Variants in SH3KBP1 observed in about 807,000 individuals in gnomAD.
SH3KBP1 encodes the protein SH3 domain containing kinase binding protein 1.
A neutral mutation model predicts 50.1 loss-of-function variants in SH3KBP1; 8 were observed. That is an observed-to-expected ratio of 0.16 (90% CI 0.09 to 0.29). The LOEUF (loss-of-function observed/expected upper bound fraction) is 0.29. SH3KBP1 is among the 10% of genes least tolerant of loss of function. SH3KBP1 has a pLI of 1.00. For missense variants in SH3KBP1, 377 were observed against 535.2 expected, an observed-to-expected ratio of 0.70 and a Z score of 2.92; for synonymous variants, 227 against 218.6, an observed-to-expected ratio of 1.04 and a Z score of -0.34.
At chrX:19,627,540 G>C (rs1238009856) in intron 8 of SH3KBP1, among the ~76,000 whole-genome samples, 1 of 112,730 alleles carries the variant, frequency 8.9e-6, no homozygotes, top group Non-Finnish European at 1.9e-5. Context: ...GAGTGGAAAT[G>C]TTCCTAAATT....
chrX:19,565,351 C>T (rs1194504432), intron 13 of SH3KBP1, among the ~76,000 whole-genome samples: 1 of 110,851 alleles, frequency 9.0e-6, no homozygotes, highest in Admixed American at 9.6e-5. Flanking sequence ...TGTAAGCCAC[C>T]GCGCCTGGCC....
intron 6 of SH3KBP1, chrX:19,670,372 C>T: frequency 1.3e-6 from 1 of 753,957 alleles, no homozygotes; most frequent in Non-Finnish European, 1.6e-6. Context: ...TGAAACGCCC[C>T]ACAGCTGGCT....
intron 1 of SH3KBP1, among the ~76,000 whole-genome samples, chrX:19,854,938 C>G (rs752206305): frequency 1.1e-4 from 12 of 112,058 alleles, no homozygotes; most frequent in Non-Finnish European, 2.1e-4. Context: ...TTTGTAACAT[C>G]TTTTGAATTA....
intron 13 of SH3KBP1, among the ~76,000 whole-genome samples, chrX:19,566,092 G>A (rs2065835978): frequency 9.1e-6 from 1 of 109,966 alleles, no homozygotes. Flanking sequence ...AGTGAGCAAT[G>A]ATTGCACTGT....
intron 1 of SH3KBP1, among the ~76,000 whole-genome samples, chrX:19,867,422 A>AC: frequency 9.0e-6 from 1 of 111,300 alleles, no homozygotes; most frequent in East Asian, 2.8e-4. Flanking sequence ...TGTCTCACGA[A>AC]CCCCCCTCAA....
chrX:19,688,131 T>C (rs2063207237), intron 5 of SH3KBP1, among the ~76,000 whole-genome samples: 1 of 112,414 alleles, frequency 8.9e-6, no homozygotes, highest in South Asian at 3.7e-4. Flanking sequence ...TTAGACACAT[T>C]ATCCTTTATC....
chrX:19,727,725 C>T (rs1407624414), intron 3 of SH3KBP1, among the ~76,000 whole-genome samples: 3 of 112,455 alleles, frequency 2.7e-5, no homozygotes, highest in Non-Finnish European at 5.6e-5. Context: ...GTGGCTCATG[C>T]CTGTAATCCC....
intron 5 of SH3KBP1, among the ~76,000 whole-genome samples, chrX:19,691,265 A>G (rs1231221378): frequency 4.8e-5 from 5 of 104,106 alleles, no homozygotes; most frequent in Non-Finnish European, 9.7e-5. Context: ...ATTATCCATC[A>G]CCACCTAGGT....
rs1603294920 is a variant in SH3KBP1, at chrX:19,887,373, T to C, written c.-63A>G. On this transcript the variant is annotated 5_prime_UTR_variant, in exon 1 of 18. Coordinates refer to ENST00000397821, the MANE Select transcript of SH3KBP1 (RefSeq NM_031892.3). ...AAGTTGGCGGAGGCGGGCGTGGGGG[T>C]TGGGGCGCCGGGATCGGGGCGCTGG... The C allele has an allele frequency of 1.1e-6, 1 of 913,411 alleles. No homozygotes were observed. The highest frequency in any genetic ancestry group is 1.4e-6 in the Non-Finnish European group (1 of 733,220). The allele number at this position is 913,411 out of a possible 1,213,427, so 75.3% of individuals were successfully genotyped here. A position where few individuals can be genotyped will look rare whatever the true frequency, so the allele number is the denominator to read the frequency against.
At chrX:19,861,783 G>A (rs867637469) in intron 1 of SH3KBP1, among the ~76,000 whole-genome samples, 5 of 112,049 alleles carry the variant, frequency 4.5e-5, no homozygotes, top group African/African-American at 1.6e-4. Context: ...TGTTTGATAC[G>A]AGGAATGAGA....
At chrX:19,604,086 T>C (rs1011622662) in intron 9 of SH3KBP1, among the ~76,000 whole-genome samples, 2 of 111,602 alleles carry the variant, frequency 1.8e-5, no homozygotes, top group African/African-American at 6.5e-5. Flanking sequence ...AGAGTCTAAG[T>C]TCCCCGTTAG....
chrX:19,724,280 G>A (rs1186261391), intron 3 of SH3KBP1, among the ~76,000 whole-genome samples: 1 of 111,871 alleles, frequency 8.9e-6, no homozygotes, highest in Non-Finnish European at 1.9e-5. Flanking sequence ...AATAGAGAAA[G>A]TAGGGAAAAA....
At chrX:19,604,092 G>A (rs1308010482) in intron 9 of SH3KBP1, among the ~76,000 whole-genome samples, 2 of 111,211 alleles carry the variant, frequency 1.8e-5, no homozygotes, top group Non-Finnish European at 3.8e-5. Flanking sequence ...TAAGTTCCCC[G>A]TTAGCCTTCT....
chrX:19,667,362 G>A (rs774847625), intron 6 of SH3KBP1, among the ~76,000 whole-genome samples: 1 of 112,140 alleles, frequency 8.9e-6, no homozygotes, highest in African/African-American at 3.2e-5. Context: ...AGTGGCTCAT[G>A]CCTGTAATCC....
chrX:19,619,542 T>C (rs1271649301), intron 8 of SH3KBP1, among the ~76,000 whole-genome samples: 1 of 111,901 alleles, frequency 8.9e-6, no homozygotes, highest in Admixed American at 9.4e-5. Flanking sequence ...TCCCAACACC[T>C]TGGGAGGCCA....
intron 2 of SH3KBP1, among the ~76,000 whole-genome samples, chrX:19,760,397 A>AATAAATAAATAAATAC (rs1556346919): frequency 3.1e-5 from 3 of 96,639 alleles, no homozygotes; most frequent in African/African-American, 1.2e-4. Flanking sequence ...AAAATAAATA[A>AATAAATAAATAAATAC]ATACATACAT....
chrX:19,848,633 G>T, intron 1 of SH3KBP1, among the ~76,000 whole-genome samples: 1 of 112,239 alleles, frequency 8.9e-6, no homozygotes. Flanking sequence ...ATAACCAAAT[G>T]GTTGATGAGA....
In SH3KBP1 at chrX:19,698,196, G is replaced by A. The variant is rs180803970; in HGVS notation, c.391-2455C>T. On this transcript the variant is annotated intron_variant, in intron 4 of 17. Coordinates refer to ENST00000397821, the MANE Select transcript of SH3KBP1 (RefSeq NM_031892.3). ...CAGAAAATGTCCTTCTCTCTCCCAGGAGTCACATAGCAGGAGGAGAAAATC... is the reference window on the plus strand; with the variant it reads ...CAGAAAATGTCCTTCTCTCTCCCAGAAGTCACATAGCAGGAGGAGAAAATC... Among the ~76,000 whole-genome samples, 272 of 111,773 alleles carry A rather than the reference G, an allele frequency of 2.4e-3. 2 individuals carry two copies. The highest frequency in any genetic ancestry group is 2.5e-3 in the Non-Finnish European group (135 of 53,120).
intron 2 of SH3KBP1, among the ~76,000 whole-genome samples, chrX:19,798,727 G>C (rs959542944): frequency 9.8e-5 from 11 of 111,940 alleles, no homozygotes; most frequent in African/African-American, 3.2e-4. Context: ...ATGAGAACTT[G>C]GTGGCCACAA....
Sources: allele counts gnomAD v4.1 joint callset (sites outside exome capture counted in the v4.1 genomes callset), GRCh38; gene constraint gnomAD v4.1.1; transcripts MANE v1.5; gene names NCBI Gene and HGNC (gene_info 2026-07-23, HGNC 2026-07-21).